Variants in CLIC5 observed in about 807,000 individuals in gnomAD.
CLIC5 encodes CLIC family member 5, also known as chloride intracellular channel protein 5.
In CLIC5, 20 loss-of-function variants were observed where a neutral mutation model predicts 24.7. That is an observed-to-expected ratio of 0.81 (90% CI 0.57 to 1.18). The LOEUF (loss-of-function observed/expected upper bound fraction) is 1.18. Among genes scored for constraint, CLIC5 ranks in the 50% most tolerant of loss-of-function variants. The pLI, the probability that CLIC5 is intolerant of heterozygous loss-of-function variation, is 0.00. For missense variants in CLIC5, 341 were observed against 326.1 expected (o/e 1.05, Z -0.35); for synonymous variants, 159 against 135.6 (o/e 1.17, Z -1.20).
At chr6:46,122,054 A>T in the CLIC5 span, among the ~76,000 whole-genome samples, 1 of 152,150 alleles carries the variant, frequency 6.6e-6, no homozygotes, top group African/African-American at 2.4e-5. Context: ...ATCCAGGAAT[A>T]GAATTCAGCT....
the CLIC5 span, among the ~76,000 whole-genome samples, chr6:46,107,755 G>C: frequency 6.6e-6 from 1 of 152,238 alleles, no homozygotes; most frequent in South Asian, 2.1e-4. Flanking sequence ...ACTTAATGGG[G>C]CTGGGTGCAT....
At chr6:46,081,886 T>A (rs538093815), upstream of CLIC5, among the ~76,000 whole-genome samples, 9 of 152,206 alleles carry the variant, frequency 5.9e-5, no homozygotes, top group African/African-American at 2.2e-4. Context: ...TTTTCCAATC[T>A]TTTTTTCATG....
intron 5 of CLIC5, among the ~76,000 whole-genome samples, chr6:45,914,011 A>G (rs1355267035): frequency 3.3e-5 from 5 of 152,188 alleles, no homozygotes; most frequent in Non-Finnish European, 7.3e-5. Flanking sequence ...CAACACTTGA[A>G]GTAAGCAATA....
intron 1 of CLIC5, among the ~76,000 whole-genome samples, chr6:46,013,789 A>G (rs1028259226): frequency 3.9e-5 from 6 of 152,226 alleles, no homozygotes; most frequent in Non-Finnish European, 8.8e-5. Context: ...TATCTTTCAG[A>G]AACTTGACAC....
the CLIC5 span, among the ~76,000 whole-genome samples, chr6:46,113,776 C>T: frequency 6.6e-6 from 1 of 152,078 alleles, no homozygotes; most frequent in Non-Finnish European, 1.5e-5. Flanking sequence ...TAAAATGAGG[C>T]CACAGAGGTT....
upstream of CLIC5, among the ~76,000 whole-genome samples, chr6:46,019,270 A>G (rs527260258): frequency 4.4e-4 from 67 of 152,348 alleles, no homozygotes; most frequent in South Asian, 8.3e-4. Flanking sequence ...AGATTGTTGG[A>G]TTGCATAAAA....
chr6:46,067,959 G>C lies in CLIC5; in HGVS notation c.540+11744C>G, dbSNP rs183001044. 5.3e-5 allele frequency among the ~76,000 whole-genome samples: 8 copies of C among 152,112 alleles called. No homozygotes were observed. In the South Asian group the frequency reaches 1.7e-3, roughly 31 times the overall value. ...AAATATGACCTTATTTGGAAAAAGC[G>C]TATTTGTAGATATAATTTAAGCTAA... On this transcript the variant is annotated intron_variant, in intron 1 of 5. Transcript: ENST00000185206.
intron 1 of CLIC5, among the ~76,000 whole-genome samples, chr6:46,027,241 C>T (rs745328449): frequency 3.3e-5 from 5 of 152,190 alleles, no homozygotes; most frequent in Non-Finnish European, 5.9e-5. Flanking sequence ...AAGCCTCCTG[C>T]ACAGAGTTCC....
At chr6:46,094,441 G>C in the CLIC5 span, among the ~76,000 whole-genome samples, 1 of 152,142 alleles carries the variant, frequency 6.6e-6, no homozygotes, top group Non-Finnish European at 1.5e-5. Flanking sequence ...TTAGTTACTT[G>C]CAAAATACAA....
chr6:45,934,526 A>G (rs1017425420), intron 4 of CLIC5, among the ~76,000 whole-genome samples: 10 of 152,344 alleles, frequency 6.6e-5, no homozygotes, highest in Middle Eastern at 3.4e-3. Flanking sequence ...GAGGCCTGAG[A>G]GAGCTTAAGC....
chr6:46,123,906 C>T, the CLIC5 span, among the ~76,000 whole-genome samples: 4 of 152,144 alleles, frequency 2.6e-5, no homozygotes, highest in Non-Finnish European at 4.4e-5. Context: ...AGGCGAGCTA[C>T]AAACCACTGC....
intron 2 of CLIC5, among the ~76,000 whole-genome samples, chr6:45,951,800 TC>T (rs1475296346): frequency 6.6e-6 from 1 of 151,086 alleles, no homozygotes; most frequent in Non-Finnish European, 1.5e-5. Context: ...AGTAGAGGAG[TC>T]TGTAATGAAA....
In CLIC5 at chr6:45,902,896, T is replaced by C. The variant is rs1036823340; in HGVS notation, c.*192A>G. On this transcript the variant is annotated 3_prime_UTR_variant, in exon 6 of 6. Coordinates refer to ENST00000339561, the MANE Select transcript of CLIC5 (RefSeq NM_016929.5). ...GTGTCTATCATTTCTGCTAGATTCCTATGTGAGGAGGCCAGGGATGGTGCT... is the reference window on the plus strand; with the variant it reads ...GTGTCTATCATTTCTGCTAGATTCCCATGTGAGGAGGCCAGGGATGGTGCT... 8.2e-6 allele frequency: 5 copies of C among 607,450 alleles called. No individual in the cohort carries two copies. In the Admixed American group the frequency reaches 9.5e-5, roughly 12 times the overall value. 37.6% of individuals were successfully genotyped at this position (607,450 alleles called of 1,614,324 possible).
intron 1 of CLIC5, among the ~76,000 whole-genome samples, chr6:45,969,982 C>G (rs1311114084): frequency 6.6e-6 from 1 of 152,060 alleles, no homozygotes; most frequent in Non-Finnish European, 1.5e-5. Context: ...GGAGATAACA[C>G]AAGTAAAATG....
At chr6:46,109,618 A>G in the CLIC5 span, among the ~76,000 whole-genome samples, 1 of 151,130 alleles carries the variant, frequency 6.6e-6, no homozygotes, top group African/African-American at 2.4e-5. Context: ...GGGAATGAAT[A>G]GAGGACTGAA....
chr6:45,995,015 G>T (rs551484993), intron 1 of CLIC5, among the ~76,000 whole-genome samples: 1 of 152,112 alleles, frequency 6.6e-6, no homozygotes, highest in Non-Finnish European at 1.5e-5. Context: ...TAGTGTCCAG[G>T]AAAAGGGATG....
chr6:45,914,956 A>T (rs1762969276), intron 4 of CLIC5, among the ~76,000 whole-genome samples: 3 of 152,072 alleles, frequency 2.0e-5, no homozygotes, highest in Admixed American at 2.0e-4. Flanking sequence ...TTTGAGACAG[A>T]GTCTCACTCT....
intron 3 of CLIC5, among the ~76,000 whole-genome samples, chr6:45,947,470 C>A (rs898548664): frequency 6.6e-6 from 1 of 152,070 alleles, no homozygotes; most frequent in African/African-American, 2.4e-5. Flanking sequence ...TGTACCCCAG[C>A]CCCTCACCCC....
intron 1 of CLIC5, among the ~76,000 whole-genome samples, chr6:46,047,628 A>T (rs564782687): frequency 6.6e-6 from 1 of 152,314 alleles, no homozygotes; most frequent in East Asian, 1.9e-4. Context: ...TTTCAGTGGG[A>T]AGTACCCAAA....
Sources: gnomAD v4.1 joint callset for allele counts (sites outside exome capture counted in the v4.1 genomes callset) on GRCh38, gnomAD v4.1.1 for gene constraint, MANE v1.5 for transcripts, NCBI Gene and HGNC (gene_info 2026-07-23, HGNC 2026-07-21) for gene names.